Variants in COMMD2 observed in about 807,000 individuals in gnomAD.
The protein encoded by COMMD2 is COMM domain containing 2.
Under a neutral mutation model 22.5 loss-of-function variants are expected in COMMD2, and 25 were observed. The observed-to-expected ratio is 1.11, with a 90% CI of 0.81 to 1.55. COMMD2 has a LOEUF of 1.55. Among genes scored for constraint, COMMD2 ranks in the 40% most tolerant of loss-of-function variants. COMMD2 has a pLI of 0.00. For synonymous variants in COMMD2, 98 were observed against 91.2 expected, an observed-to-expected ratio of 1.07 and a Z score of -0.42; for missense variants, 223 against 232.9, an observed-to-expected ratio of 0.96 and a Z score of 0.28.
At position 149,741,595 on chromosome 3, in the gene COMMD2, C is replaced by T. The variant is rs373916335; in HGVS notation, c.526G>A (p.Val176Ile). ...TCCAATGCTTGTTCCAGTTGTTGAA[C>T]CAAATGGAGCAGGGTGGCTGGGTCT... ...QTDPATLLHL[V>I]QQLEQALEEM... is the part of the protein sequence containing the mutation. Residue 176 changes from valine to isoleucine, a missense_variant, in exon 5 of 5, where the codon GTT (valine) becomes ATT (isoleucine). Coordinates refer to ENST00000473414, the MANE Select transcript of COMMD2 (RefSeq NM_016094.4). The T allele has an allele frequency of 5.0e-5, 80 of 1,613,906 alleles. No individual in the cohort carries two copies. Among genetic ancestry groups the T allele is most frequent in the Non-Finnish European group, 6.4e-5 (75 of 1,180,012 alleles).
At position 149,741,460 on chromosome 3, in the gene COMMD2, T is replaced by A; in HGVS notation, c.*61A>T. 7.8e-7 allele frequency: 1 copy of A among 1,280,590 alleles called. No individual in the cohort carries two copies. The highest frequency in any genetic ancestry group is 1.1e-6 in the Non-Finnish European group (1 of 880,364). 79.3% of individuals were successfully genotyped at this position (1,280,590 alleles called of 1,614,324 possible). A position where few individuals can be genotyped will look rare whatever the true frequency, so the allele number is the denominator to read the frequency against. On this transcript the variant is annotated 3_prime_UTR_variant, in exon 5 of 5. Coordinates refer to ENST00000473414, the MANE Select transcript of COMMD2 (RefSeq NM_016094.4). ...TTAATAAAAAATTAATTTTGAAAAG[T>A]AATTGCTGTATATCATCAATTCATA...
intron 2 of COMMD2, 22 bp downstream of exon 2, chr3:149,752,188 G>A (rs1351695469): frequency 6.2e-7 from 1 of 1,608,626 alleles, no homozygotes; most frequent in East Asian, 2.2e-5. Flanking sequence ...AGCCTGCGGA[G>A]CCTTCCCCTT....
Position 149,752,291 on chromosome 3 carries a change from C to T in COMMD2, c.68-4G>A, listed in dbSNP as rs572175781. On this transcript the variant is annotated splice_region_variant and splice_polypyrimidine_tract_variant and intron_variant, in intron 1 of 4. Transcript: ENST00000473414. The stretch of plus-strand genomic sequence containing the variant: ...ATCCGCCCAAACTCGGCGACCACTG[C>T]AATGAAAGTCAGAAGGCTGTTGAGT... 2.8e-5 allele frequency: 45 copies of T among 1,614,122 alleles called. 1 individual carries two copies. The South Asian group carries it at 3.2e-4, about 11-fold the overall frequency.
intron 4 of COMMD2, among the ~76,000 whole-genome samples, chr3:149,743,893 A>G (rs1448710459): frequency 6.6e-6 from 1 of 152,226 alleles, no homozygotes; most frequent in Non-Finnish European, 1.5e-5. Flanking sequence ...TTTTGTTGAA[A>G]GACTTAAAGC....
At chr3:149,750,453 T>C in intron 4 of COMMD2, 1 of 536,172 alleles carries the variant, frequency 1.9e-6, no homozygotes, top group Non-Finnish European at 3.4e-6. Flanking sequence ...AACCATCTCC[T>C]TTTCGAAAAT....
intron 4 of COMMD2, among the ~76,000 whole-genome samples, chr3:149,743,261 T>G (rs1716285267): frequency 6.6e-6 from 1 of 152,166 alleles, no homozygotes; most frequent in African/African-American, 2.4e-5. Context: ...ATGACCAACT[T>G]CAAGGTCCTT....
intron 4 of COMMD2, 81 bp downstream of exon 4, chr3:149,750,597 T>C (rs866855192): frequency 3.0e-5 from 29 of 956,220 alleles, no homozygotes; most frequent in Middle Eastern, 4.8e-4. Flanking sequence ...TTAGTTAAGG[T>C]GGTAAAGAAT....
At chr3:149,742,557 G>A (rs1216912336) in intron 4 of COMMD2, among the ~76,000 whole-genome samples, 2 of 152,046 alleles carry the variant, frequency 1.3e-5, no homozygotes, top group African/African-American at 4.8e-5. Flanking sequence ...ATGAACTACA[G>A]CAACATGGGT....
At position 149,741,616 on chromosome 3, in the gene COMMD2, G is replaced by C. The variant is rs1370984977; in HGVS notation, c.505C>G (p.Pro169Ala). Residue 169 changes from proline (P) to alanine (A), a missense_variant, in exon 5 of 5, where the codon CCA (proline) becomes GCA (alanine). Transcript: ENST00000473414. ...TGAACCAAATGGAGCAGGGTGGCTG[G>C]GTCTGTCTGCAGAACTTTGGTGTTG... ...DHNTKVLQTD[P>A]ATLLHLVQQL... 1.9e-6 allele frequency: 3 copies of C among 1,613,872 alleles called. No individual in the cohort carries two copies. The highest frequency in any genetic ancestry group is 3.3e-4 in the Middle Eastern group (2 of 6,060).
chr3:149,739,126 C>A lies in COMMD2; in HGVS notation c.*2395G>T, dbSNP rs1716140485. The A allele has an allele frequency of 6.6e-6, 1 of 152,064 alleles. No homozygotes were observed. The highest frequency in any genetic ancestry group is 6.6e-5 in the Admixed American group (1 of 15,264). 9.4% of individuals were successfully genotyped at this position (152,064 alleles called of 1,614,324 possible). On this transcript the variant is annotated 3_prime_UTR_variant, in exon 5 of 5. Coordinates refer to ENST00000473414, the MANE Select transcript of COMMD2 (RefSeq NM_016094.4). ...CGTGAAAAGTCAGCATACTCATAAT[C>A]CAAAAAGCTTCAATAGAAATTTAGA...
At chr3:149,746,502 T>C (rs113721155) in intron 4 of COMMD2, among the ~76,000 whole-genome samples, 3 of 152,034 alleles carry the variant, frequency 2.0e-5, no homozygotes, top group African/African-American at 7.2e-5. Flanking sequence ...CCGGGTACGG[T>C]GGCTTACGCC....
At chr3:149,745,490 A>G (rs1330839782) in intron 4 of COMMD2, among the ~76,000 whole-genome samples, 1 of 152,052 alleles carries the variant, frequency 6.6e-6, no homozygotes, top group East Asian at 1.9e-4. Flanking sequence ...CTATTAAAAC[A>G]CTCATCACAC....
chr3:149,743,694 TAAGATC>T (rs1288596018), intron 4 of COMMD2, among the ~76,000 whole-genome samples: 1 of 152,192 alleles, frequency 6.6e-6, no homozygotes, highest in Non-Finnish European at 1.5e-5. Context: ...AGTACCAGTT[TAAGATC>T]ATCTCTGTAG....
At chr3:149,751,191 G>A (rs2108253568) in intron 3 of COMMD2, 1 of 631,338 alleles carries the variant, frequency 1.6e-6, no homozygotes, top group Non-Finnish European at 2.6e-6. Context: ...AGAATTAGAG[G>A]TACTTCTATA....
chr3:149,749,292 A>G (rs1716462099), intron 4 of COMMD2, among the ~76,000 whole-genome samples: 1 of 152,102 alleles, frequency 6.6e-6, no homozygotes, highest in Non-Finnish European at 1.5e-5. Flanking sequence ...GCATGGCCTT[A>G]ATGTTACTCC....
intron 2 of COMMD2, 25 bp from the exon 3 acceptor site, chr3:149,751,510 C>A: frequency 6.4e-7 from 1 of 1,555,078 alleles, no homozygotes; most frequent in Non-Finnish European, 8.7e-7. Context: ...TAAAAACGAG[C>A]AAATAAATTA....
chr3:149,742,838 C>A lies in COMMD2; in HGVS notation c.403-1120G>T, dbSNP rs1015271120. 9.9e-5 allele frequency among the ~76,000 whole-genome samples: 15 copies of A among 151,862 alleles called. No individual in the cohort carries two copies. The East Asian group carries it at 2.7e-3, about 28-fold the overall frequency. ...AAAAATTAGCTGGCATGGTGGCACG[C>A]GCCTGTAGTCCCAGCTACTTGGGAG... On this transcript the variant is annotated intron_variant, in intron 4 of 4. Coordinates refer to ENST00000473414, the MANE Select transcript of COMMD2 (RefSeq NM_016094.4).
At chr3:149,745,453 G>T (rs984354628) in intron 4 of COMMD2, among the ~76,000 whole-genome samples, 2 of 152,128 alleles carry the variant, frequency 1.3e-5, no homozygotes, top group African/African-American at 4.8e-5. Context: ...CCTACAGTCT[G>T]GTTTATACCA....
chr3:149,749,538 C>T (rs1423325258), intron 4 of COMMD2, among the ~76,000 whole-genome samples: 1 of 152,174 alleles, frequency 6.6e-6, no homozygotes, highest in Non-Finnish European at 1.5e-5. Context: ...CTGGGTATAA[C>T]ACACAAACAT....
Sources: allele counts gnomAD v4.1 joint callset (sites outside exome capture counted in the v4.1 genomes callset), GRCh38; gene constraint gnomAD v4.1.1; transcripts MANE v1.5; gene names NCBI Gene and HGNC (gene_info 2026-07-23, HGNC 2026-07-21).